Variants in MYO9B observed in about 807,000 individuals in gnomAD.
The protein encoded by MYO9B is unconventional myosin-IXb.
MYO9B carries 71 observed loss-of-function variants against 229.5 expected under a neutral mutation model. That is an observed-to-expected ratio of 0.31 (90% CI 0.26 to 0.38). The LOEUF is 0.38. Ranked by LOEUF, MYO9B falls within the 10% of genes least tolerant of loss-of-function variation. The pLI is 1.00. For synonymous variants in MYO9B, 1,185 were observed against 1,235.8 expected (o/e 0.96, Z 0.86); for missense variants, 2,255 against 2,920.5 (o/e 0.77, Z 5.25).
chr19:17,200,657 A>G lies in MYO9B; in HGVS notation c.4391A>G (p.His1464Arg), dbSNP rs1477895687. The stretch of plus-strand genomic sequence containing the variant: ...CCCTCAGCCCCCTCCGGACAGCAGC[A>G]TCGCCACGCTGCAGGTGAGAAGCGC... ...KGLEAPSGQQ[H>R]RHAAGEKRTK... Residue 1464 changes from histidine to arginine, a missense_variant, in exon 26 of 40, where the codon CAT becomes CGT. Physicochemically the swap from His to Arg is conservative, Grantham distance 29. Transcript: ENST00000682292. 1.2e-6 allele frequency: 2 copies of G among 1,613,702 alleles called. No individual in the cohort carries two copies. Among genetic ancestry groups the G allele is most frequent in the Non-Finnish European group, 1.7e-6 (2 of 1,179,714 alleles).
chr19:17,198,057 C>A, intron 23 of MYO9B, 127 bp from the exon 24 acceptor site: 1 of 1,415,628 alleles, frequency 7.1e-7, no homozygotes, highest in Non-Finnish European at 9.4e-7. Flanking sequence ...AGTGAGACTC[C>A]GTTTCAAAAA....
In MYO9B at chr19:17,172,950, C is replaced by G. The variant is rs559495498; in HGVS notation, c.2127C>G (p.Ala709=). The part of the protein sequence containing the change: ...REAGRLRAER[A]EKAAGMSSPG... ...CCGGACGCCTGCGGGCCGAGAGGGC[C>G]GAAAAGGCTGCAGGTGGGAGCTGGG... Residue 709 remains alanine, a synonymous_variant, in exon 13 of 40, where the codon GCC becomes GCG. Transcript: ENST00000682292. This position sits in a 1 kb window ranked among gnomAD's most constrained non-coding sequence, Gnocchi z 8.2. 1 of 1,597,964 alleles carries G rather than the reference C, an allele frequency of 6.3e-7. No homozygotes were observed. Among genetic ancestry groups the G allele is most frequent in the African/African-American group, 1.3e-5 (1 of 75,018 alleles).
chr19:17,205,552 C>T (rs1335410626), intron 31 of MYO9B, among the ~76,000 whole-genome samples: 1 of 152,214 alleles, frequency 6.6e-6, no homozygotes, highest in African/African-American at 2.4e-5. Flanking sequence ...TGTGTCTCAG[C>T]TCCCCCAGCC....
At chr19:17,160,239 G>A (rs1266352510) in intron 8 of MYO9B, among the ~76,000 whole-genome samples, 1 of 152,100 alleles carries the variant, frequency 6.6e-6, no homozygotes, top group East Asian at 1.9e-4. Flanking sequence ...AGCCCACATG[G>A]GTCCAGGGCA....
Position 17,195,193 on chromosome 19 carries a change from C to G in MYO9B, c.3766C>G (p.Leu1256Val), listed in dbSNP as rs778173439. The stretch of plus-strand genomic sequence containing the variant: ...GTTGGAGCGGCCGACCAGCCTGGCC[C>G]TGGACAGCAGGGTCAGCCCACCGGC... ...GQLERPTSLA[L>V]DSRVSPPAPG... is the part of the protein sequence containing the mutation. The change falls in exon 22 of 40, where the codon CTG (leucine) becomes GTG (valine). Residue 1256 changes from leucine (L) to valine (V), a missense_variant. Physicochemically the swap from Leu to Val is conservative, Grantham distance 32 (BLOSUM62 1). This residue lies in a region of MYO9B where 679 missense variants were observed against 770.2 expected (regional missense o/e 0.88). Transcript: ENST00000682292. The surrounding 1 kb of genome is among the most constrained non-coding windows in gnomAD (Gnocchi z 4.5). 6.2e-6 allele frequency: 10 copies of G among 1,611,768 alleles called. No individual in the cohort carries two copies. The African/African-American group carries it at 1.2e-4, about 19-fold the overall frequency.
rs965288254 is a variant in MYO9B at position 17,202,406 on chromosome 19, A to G, written c.4836+103A>G. 7.7e-6 allele frequency: 9 copies of G among 1,170,538 alleles called. No homozygotes were observed. The African/African-American group carries it at 9.3e-5, about 12-fold the overall frequency. 72.5% of individuals were successfully genotyped at this position (1,170,538 alleles called of 1,614,324 possible). A position where few individuals can be genotyped will look rare whatever the true frequency, so the allele number is the denominator to read the frequency against. ...CCATGCCTCACCATGCTTATGCCAC[A>G]CCCACCCATGCCCTGCCCATACCAC... is the stretch of plus-strand genomic sequence containing the variant. On this transcript the variant is annotated intron_variant, in intron 28 of 39. Transcript: ENST00000682292.
rs1398146910 is a variant in MYO9B, at chr19:17,187,966, T to C, written c.2609T>C (p.Leu870Pro). 1 of 1,597,596 alleles carries C rather than the reference T, an allele frequency of 6.3e-7. No individual in the cohort carries two copies. The highest frequency in any genetic ancestry group is 8.5e-7 in the Non-Finnish European group (1 of 1,172,268). The change falls in exon 19 of 40, where the codon CTG (leucine) becomes CCG (proline). Residue 870 changes from leucine to proline, a missense_variant. Physicochemically the swap from Leu to Pro is moderately conservative, Grantham distance 98. Coordinates refer to ENST00000682292, the MANE Select transcript of MYO9B (RefSeq NM_004145.4). ...KELCFDDELV[L>P]QQLRYTGMLE... ...CTGTGCTTTGACGACGAGCTGGTCC[T>C]GCAGCAGCTGCGCTACACCGGCATG...
intron 1 of MYO9B, among the ~76,000 whole-genome samples, chr19:17,080,296 GA>G (rs1474028554): frequency 6.6e-6 from 1 of 152,198 alleles, no homozygotes; most frequent in African/African-American, 2.4e-5. Flanking sequence ...TGGGTGGCCA[GA>G]ACGACAGAAG....
chr19:17,097,852 G>A (rs1219923418), intron 1 of MYO9B, among the ~76,000 whole-genome samples: 6 of 152,166 alleles, frequency 3.9e-5, no homozygotes, highest in African/African-American at 1.4e-4. Flanking sequence ...TTTCCAGGCT[G>A]TAATATTACA....
intron 2 of MYO9B, among the ~76,000 whole-genome samples, chr19:17,140,562 C>G (rs142471820): frequency 2.5e-3 from 373 of 151,918 alleles, no homozygotes; most frequent in African/African-American, 8.4e-3. Context: ...GATCTCGGCT[C>G]ACCGCAACCT....
chr19:17,176,137 C>T (rs945663159), intron 14 of MYO9B, among the ~76,000 whole-genome samples: 35 of 152,298 alleles, frequency 2.3e-4, no homozygotes, highest in African/African-American at 8.2e-4. Context: ...TCATGCCATT[C>T]TCCTTTCTCA....
At chr19:17,207,022 C>T in intron 34 of MYO9B, 91 bp from the exon 35 acceptor site, 1 of 1,511,756 alleles carries the variant, frequency 6.6e-7, no homozygotes, top group Non-Finnish European at 9.0e-7. Flanking sequence ...TTCCCAACAG[C>T]CACCCCAGGG....
At chr19:17,209,561 T>G (rs373374186) in intron 35 of MYO9B, 25 bp from the exon 36 acceptor site, 2 of 1,568,136 alleles carry the variant, frequency 1.3e-6, no homozygotes, top group Non-Finnish European at 1.7e-6. Flanking sequence ...ACTGAGTCAC[T>G]TCCTCCCGTG....
At chr19:17,173,539 A>G (rs1002329160) in intron 13 of MYO9B, among the ~76,000 whole-genome samples, 2 of 151,794 alleles carry the variant, frequency 1.3e-5, no homozygotes, top group Non-Finnish European at 2.9e-5. Context: ...CCTGACCTCA[A>G]GTGATCCGCC....
intron 14 of MYO9B, among the ~76,000 whole-genome samples, chr19:17,176,106 T>C (rs955111514): frequency 1.3e-5 from 2 of 152,208 alleles, no homozygotes; most frequent in African/African-American, 4.8e-5. Flanking sequence ...CTCGGCTCAC[T>C]GCAGGCTCCG....
At chr19:17,086,063 C>A (rs2057579755) in intron 1 of MYO9B, among the ~76,000 whole-genome samples, 1 of 152,218 alleles carries the variant, frequency 6.6e-6, no homozygotes, top group Admixed American at 6.5e-5. Flanking sequence ...AAGGCACCCA[C>A]AGGACGTGCT....
intron 2 of MYO9B, among the ~76,000 whole-genome samples, chr19:17,142,546 C>T (rs1400069015): frequency 6.6e-6 from 1 of 151,974 alleles, no homozygotes; most frequent in African/African-American, 2.4e-5. Context: ...TTCCACATAC[C>T]CTGCCTTGTG....
rs1307306022 is a variant in MYO9B at position 17,207,117 on chromosome 19, G to A, written c.5497G>A (p.Ala1833Thr). 2 of 1,610,420 alleles carry A rather than the reference G, an allele frequency of 1.2e-6. No homozygotes were observed. The highest frequency in any genetic ancestry group is 2.2e-5 in the East Asian group (1 of 44,800). Residue 1833 changes from alanine (A) to threonine (T), a missense_variant, in exon 35 of 40, where the codon GCC (alanine) becomes ACC (threonine). By Grantham distance (58) the Ala-to-Thr change is moderately conservative. Coordinates refer to ENST00000682292, the MANE Select transcript of MYO9B (RefSeq NM_004145.4). Reference sequence around the variant, plus strand: ...TAACTGCCAGTGGCTGTGCAGGGTGGCCCTGCTCGAGGATGTCAACCGCAT... The same window carrying A: ...TAACTGCCAGTGGCTGTGCAGGGTGACCCTGCTCGAGGATGTCAACCGCAT... ...ERLIFHLVKV[A>T]LLEDVNRMSP... is the part of the protein sequence containing the mutation.
At chr19:17,091,141 A>G (rs2057633876) in intron 1 of MYO9B, among the ~76,000 whole-genome samples, 2 of 152,224 alleles carry the variant, frequency 1.3e-5, no homozygotes, top group Non-Finnish European at 2.9e-5. Context: ...TTAACAAAGG[A>G]GGCTCCCCAA....
Sources: allele counts gnomAD v4.1 joint callset (sites outside exome capture counted in the v4.1 genomes callset), GRCh38; gene constraint gnomAD v4.1.1; regional missense constraint gnomAD v4.1.1; non-coding constraint Gnocchi (gnomAD v3.1); transcripts MANE v1.5; gene names NCBI Gene and HGNC (gene_info 2026-07-23, HGNC 2026-07-21).